Variants in ATP7A observed in about 807,000 individuals in gnomAD.
ATP7A encodes copper-transporting ATPase 1.
A neutral mutation model predicts 83.5 loss-of-function variants in ATP7A; 7 were observed. That is an observed-to-expected ratio of 0.08 (90% confidence interval 0.05 to 0.16). The LOEUF is 0.16. Among genes scored for constraint, ATP7A ranks in the 10% least tolerant of loss-of-function variants. The pLI is 1.00. For synonymous variants in ATP7A, 354 were observed against 395.2 expected, an observed-to-expected ratio of 0.90 and a Z score of 1.24; for missense variants, 940 against 1,120.8, an observed-to-expected ratio of 0.84 and a Z score of 2.30.
chrX:78,003,369 T>C, intron 6 of ATP7A, 133 bp downstream of exon 6: 1 of 628,745 alleles, frequency 1.6e-6, no homozygotes, highest in Non-Finnish European at 2.6e-6. Flanking sequence ...AATGGAAGGA[T>C]AAGGTATGAT....
chrX:77,960,297 A>C (rs782127159), intron 1 of ATP7A, among the ~76,000 whole-genome samples: 119 of 112,324 alleles, frequency 1.1e-3, no homozygotes, highest in African/African-American at 3.8e-3. Flanking sequence ...CAGGAGAATC[A>C]CTTGAACCTG....
intron 12 of ATP7A, among the ~76,000 whole-genome samples, chrX:78,017,156 T>C (rs1377966305): frequency 6.2e-5 from 7 of 112,679 alleles, no homozygotes; most frequent in African/African-American, 2.3e-4. Context: ...TCTGTGCACC[T>C]GCAGGCCCAA....
At chrX:77,966,842 T>C in intron 1 of ATP7A, 2 of 330,314 alleles carry the variant, frequency 6.1e-6, no homozygotes, top group South Asian at 5.2e-5. Context: ...GTTACGTAGG[T>C]ACATGTGTGC....
intron 1 of ATP7A, among the ~76,000 whole-genome samples, chrX:77,952,380 T>C (rs782086102): frequency 1.8e-5 from 2 of 112,351 alleles, no homozygotes; most frequent in African/African-American, 6.5e-5. Flanking sequence ...GTGTTCTGGA[T>C]TTTGGCCATT....
intron 14 of ATP7A, among the ~76,000 whole-genome samples, chrX:78,025,872 C>T (rs1235164154): frequency 2.1e-4 from 23 of 110,800 alleles, no homozygotes; most frequent in Non-Finnish European, 3.8e-5. Flanking sequence ...CAAAGTCTTC[C>T]TCAGACAAGC....
chrX:77,989,098 GA>G (rs1171696986), intron 3 of ATP7A, 134 bp from the exon 4 acceptor site: 22 of 807,085 alleles, frequency 2.7e-5, no homozygotes, highest in East Asian at 2.1e-4. Context: ...TTTCTGAAAA[GA>G]AAAAAAATTA....
chrX:77,980,316 C>T (rs189746980), intron 2 of ATP7A, among the ~76,000 whole-genome samples: 35 of 110,412 alleles, frequency 3.2e-4, no homozygotes, highest in Non-Finnish European at 1.3e-4. Context: ...GGCGTGGTGT[C>T]GCGCACCTGT....
chrX:78,029,774 C>G (rs1321492456), intron 15 of ATP7A, among the ~76,000 whole-genome samples: 1 of 112,024 alleles, frequency 8.9e-6, no homozygotes, highest in Non-Finnish European at 1.9e-5. Flanking sequence ...TTGCCAAACT[C>G]CAGCAGCCTT....
intron 1 of ATP7A, among the ~76,000 whole-genome samples, chrX:77,912,152 T>C (rs1422604728): frequency 9.0e-6 from 1 of 111,575 alleles, no homozygotes; most frequent in Non-Finnish European, 1.9e-5. Context: ...TGAGAGAGTT[T>C]TTTTTGTACT....
intron 16 of ATP7A, among the ~76,000 whole-genome samples, chrX:78,032,592 A>T: frequency 8.9e-6 from 1 of 111,932 alleles, no homozygotes; most frequent in East Asian, 2.8e-4. Context: ...CTTTTTATAT[A>T]TGTATTGACC....
chrX:77,969,605 C>G (rs1387124157), intron 1 of ATP7A: 1 of 1,211,952 alleles, frequency 8.3e-7, no homozygotes, highest in Non-Finnish European at 1.1e-6. Context: ...GTGCTCTCGC[C>G]GTGCCGGATC....
At chrX:78,014,808 C>T in intron 11 of ATP7A, 55 bp downstream of exon 11, 2 of 873,579 alleles carry the variant, frequency 2.3e-6, no homozygotes, top group Non-Finnish European at 3.4e-6. Context: ...AGAAAAATTT[C>T]AAATATATAC....
Position 77,914,241 on chromosome X carries a change from A to G in ATP7A, c.-22+3406A>G, listed in dbSNP as rs907010159. 6.4e-5 allele frequency among the ~76,000 whole-genome samples: 7 copies of G among 109,701 alleles called. No individual in the cohort carries two copies. The East Asian group carries it at 2.0e-3, about 31-fold the overall frequency. On this transcript the variant is annotated intron_variant, in intron 1 of 22. Transcript: ENST00000341514. The stretch of plus-strand genomic sequence containing the variant: ...CTAGCTACTTATTTATTAATTAATT[A>G]TTATTTTTTAAATAATATTATTTTT...
chrX:78,012,388 G>C (rs782222482), intron 9 of ATP7A, among the ~76,000 whole-genome samples: 1 of 110,950 alleles, frequency 9.0e-6, no homozygotes, highest in Admixed American at 9.7e-5. Context: ...GTTTTGGAAA[G>C]ATGGGTGAGT....
In ATP7A at chrX:78,047,407, T is replaced by C. The variant is rs1557239292; in HGVS notation, c.*837T>C. ...TCAGTTTCAGTTCACTCCTGCCAAG[T>C]TGGACTCTAAGTTATTCTTCATGTA... On this transcript the variant is annotated 3_prime_UTR_variant, in exon 23 of 23. Coordinates refer to ENST00000341514, the MANE Select transcript of ATP7A (RefSeq NM_000052.7). The C allele has an allele frequency of 8.9e-6, 1 of 112,223 alleles. No individual in the cohort carries two copies. The highest frequency in any genetic ancestry group is 3.2e-5 in the African/African-American group (1 of 30,904). 9.2% of individuals were successfully genotyped at this position (112,223 alleles called of 1,213,427 possible). A position where few individuals can be genotyped will look rare whatever the true frequency, so the allele number is the denominator to read the frequency against.
chrX:78,017,765 C>CTTT (rs1176316040), intron 12 of ATP7A, among the ~76,000 whole-genome samples: 32 of 45,842 alleles, frequency 7.0e-4, no homozygotes, highest in South Asian at 1.5e-3. Context: ...TTTCTTGTTT[C>CTTT]TTTTTTTTTT....
intron 12 of ATP7A, among the ~76,000 whole-genome samples, chrX:78,019,919 G>A (rs986829236): frequency 5.4e-5 from 6 of 110,884 alleles, no homozygotes; most frequent in Admixed American, 9.6e-5. Context: ...TCCCCATCCC[G>A]TGCAGTCATT....
intron 11 of ATP7A, 69 bp from the exon 12 acceptor site, chrX:78,015,685 G>C: frequency 4.2e-6 from 5 of 1,179,642 alleles, no homozygotes; most frequent in Non-Finnish European, 5.8e-6. Flanking sequence ...GTGAACTAAA[G>C]AGCTTACATG....
intron 1 of ATP7A, among the ~76,000 whole-genome samples, chrX:77,912,370 T>G (rs2077165073): frequency 9.0e-6 from 1 of 111,269 alleles, no homozygotes; most frequent in Non-Finnish European, 1.9e-5. Flanking sequence ...ATAGAAGAAA[T>G]AATGTGAGCA....
Sources: allele counts gnomAD v4.1 joint callset (sites outside exome capture counted in the v4.1 genomes callset), GRCh38; gene constraint gnomAD v4.1.1; transcripts MANE v1.5; gene names NCBI Gene and HGNC (gene_info 2026-07-23, HGNC 2026-07-21).